CORIN: variants seen among roughly 807,000 people sequenced by gnomAD.
The protein encoded by CORIN is atrial natriuretic peptide-converting enzyme.
Under a neutral mutation model 125.3 loss-of-function variants are expected in CORIN, and 117 were observed. The observed-to-expected ratio is 0.93, with a 90% CI of 0.80 to 1.09. The LOEUF is 1.09. CORIN is among the 50% of genes least tolerant of loss of function. CORIN has a pLI of 0.00. For missense variants in CORIN, 1,253 were observed against 1,306.7 expected (o/e 0.96, Z 0.63); for synonymous variants, 450 against 466.4 (o/e 0.96, Z 0.45).
chr4:47,757,857 CATATATATACATATATATATGTATAT>C (rs1297623936), intron 4 of CORIN, among the ~76,000 whole-genome samples: 5 of 107,484 alleles, frequency 4.7e-5, no homozygotes, highest in African/African-American at 1.9e-4. Flanking sequence ...TGAGTTTACA[CATATATATACATATATATATGTATAT>C]ATATATATAT....
intron 2 of CORIN, among the ~76,000 whole-genome samples, chr4:47,794,656 A>G (rs1731215306): frequency 6.6e-6 from 1 of 152,180 alleles, no homozygotes. Context: ...TTTTTGGAAC[A>G]TAACTTGGGT....
chr4:47,706,940 G>A, intron 5 of CORIN: 1 of 1,599,264 alleles, frequency 6.3e-7, no homozygotes, highest in Non-Finnish European at 8.5e-7. Context: ...TTCTCGCCGG[G>A]CAGCTTGGAG....
At chr4:47,768,595 A>C (rs960136441) in intron 3 of CORIN, among the ~76,000 whole-genome samples, 1 of 152,196 alleles carries the variant, frequency 6.6e-6, no homozygotes, top group Admixed American at 6.5e-5. Flanking sequence ...TGGCAAACCA[A>C]ATTCAACAGC....
chr4:47,662,370 G>A (rs920581314), intron 11 of CORIN, among the ~76,000 whole-genome samples: 16 of 152,058 alleles, frequency 1.1e-4, no homozygotes, highest in Admixed American at 9.8e-4. Context: ...ATCAATATTG[G>A]TGAAAAGCTT....
chr4:47,594,099 A>G lies in CORIN; in HGVS notation c.*1622T>C, dbSNP rs956540701. 7 of 152,112 alleles carry G rather than the reference A, an allele frequency of 4.6e-5. No homozygotes were observed. The allele number at this position is 152,112 out of a possible 1,614,324, so 9.4% of individuals were successfully genotyped here. On this transcript the variant is annotated 3_prime_UTR_variant, in exon 22 of 22. Coordinates refer to ENST00000273857, the MANE Select transcript of CORIN (RefSeq NM_006587.4). ...AGTTGAGCAGGCTAAAAGTTGATAC[A>G]TTGAGTATGTAGCTACAACTGTAAC...
At chr4:47,660,104 T>C (rs1724177078) in intron 12 of CORIN, among the ~76,000 whole-genome samples, 1 of 152,214 alleles carries the variant, frequency 6.6e-6, no homozygotes, top group South Asian at 2.1e-4. Flanking sequence ...GTCTCTTCAG[T>C]GAATGGTGCT....
At chr4:47,661,668 C>A in intron 12 of CORIN, 43 bp downstream of exon 12, 1 of 1,496,064 alleles carries the variant, frequency 6.7e-7, no homozygotes, top group South Asian at 1.3e-5. Flanking sequence ...CTAACATGTT[C>A]ATCCATGTTA....
At chr4:47,632,884 A>G (rs1722895797) in intron 16 of CORIN, among the ~76,000 whole-genome samples, 1 of 152,040 alleles carries the variant, frequency 6.6e-6, no homozygotes, top group Non-Finnish European at 1.5e-5. Flanking sequence ...GGTTCAAGCA[A>G]TTCTTCTGCC....
At chr4:47,712,947 G>T (rs1218493489) in intron 5 of CORIN, among the ~76,000 whole-genome samples, 1 of 152,072 alleles carries the variant, frequency 6.6e-6, no homozygotes, top group Non-Finnish European at 1.5e-5. Flanking sequence ...TCACTGTAAG[G>T]TTTCCCCGAA....
intron 5 of CORIN, among the ~76,000 whole-genome samples, chr4:47,717,903 G>T (rs971517020): frequency 6.6e-6 from 1 of 152,108 alleles, no homozygotes; most frequent in African/African-American, 2.4e-5. Flanking sequence ...CTAGATACAA[G>T]ATGAACAAAG....
intron 5 of CORIN, among the ~76,000 whole-genome samples, chr4:47,697,187 C>T (rs1051040943): frequency 2.0e-5 from 3 of 152,064 alleles, no homozygotes; most frequent in African/African-American, 4.8e-5. Context: ...TACAAGAATA[C>T]TTCTTGGGGA....
intron 5 of CORIN, among the ~76,000 whole-genome samples, chr4:47,695,465 C>T (rs750793097): frequency 1.3e-5 from 2 of 152,194 alleles, no homozygotes; most frequent in African/African-American, 4.8e-5. Flanking sequence ...ATATTTGACT[C>T]CAGTAAAGCC....
intron 4 of CORIN, among the ~76,000 whole-genome samples, chr4:47,757,900 A>ATATATATATATATATATATATG (rs1560535480): frequency 6.9e-6 from 1 of 144,238 alleles, no homozygotes; most frequent in East Asian, 2.0e-4. Flanking sequence ...ATATATATAT[A>ATATATATATATATATATATATG]TATATACACA....
chr4:47,619,047 T>C (rs1430346948), intron 19 of CORIN, among the ~76,000 whole-genome samples: 1 of 152,138 alleles, frequency 6.6e-6, no homozygotes. Context: ...TTCTGACCAT[T>C]ACTAGCTGTG....
At chr4:47,661,236 G>C (rs1270600069) in intron 12 of CORIN, among the ~76,000 whole-genome samples, 1 of 152,140 alleles carries the variant, frequency 6.6e-6, no homozygotes, top group Non-Finnish European at 1.5e-5. Flanking sequence ...AATATAGTTA[G>C]ATAGAATGAA....
In CORIN at chr4:47,820,161, C is replaced by A. The variant is rs1313715470; in HGVS notation, c.64-13114G>T. Among the ~76,000 whole-genome samples, 5 of 151,806 alleles carry A rather than the reference C, an allele frequency of 3.3e-5. No individual in the cohort carries two copies. The East Asian group carries it at 9.6e-4, about 29-fold the overall frequency. On this transcript the variant is annotated intron_variant, in intron 1 of 21. Coordinates refer to ENST00000273857, the MANE Select transcript of CORIN (RefSeq NM_006587.4). ...GCCAGTTTAAATACATAGTGGCAGT[C>A]AAAAGAAAGAGAGAGGAATTTCTAG...
intron 15 of CORIN, chr4:47,642,937 A>T (rs1247484246): frequency 1.1e-5 from 17 of 1,533,488 alleles, no homozygotes; most frequent in Non-Finnish European, 1.4e-5. Flanking sequence ...CATACAATAT[A>T]GATATTTCAA....
rs754546092 is a variant in CORIN at position 47,665,208 on chromosome 4, T to G, written c.1413A>C (p.Thr471=). ...TGTGGCCAAAATAATTTGGATAACT[T>G]GTACTGTTGTAGGGCAAATTCATGC... is the stretch of plus-strand genomic sequence containing the variant. ...ELCMNLPYNS[T]SYPNYFGHRT... Residue 471 remains threonine (T), a synonymous_variant, in exon 11 of 22, where the codon ACA becomes ACC. Transcript: ENST00000273857. 5.0e-6 allele frequency: 8 copies of G among 1,613,942 alleles called. No homozygotes were observed. The highest frequency in any genetic ancestry group is 1.6e-4 in the Middle Eastern group (1 of 6,082).
At chr4:47,815,569 A>G (rs1423065738) in intron 1 of CORIN, among the ~76,000 whole-genome samples, 1 of 152,086 alleles carries the variant, frequency 6.6e-6, no homozygotes, top group Non-Finnish European at 1.5e-5. Flanking sequence ...CTTTTTGGAG[A>G]TGACTTTGCC....
Sources: gnomAD v4.1 joint callset for allele counts (sites outside exome capture counted in the v4.1 genomes callset) on GRCh38, gnomAD v4.1.1 for gene constraint, MANE v1.5 for transcripts, NCBI Gene and HGNC (gene_info 2026-07-23, HGNC 2026-07-21) for gene names.